GRIN3A: variants seen among roughly 807,000 people sequenced by gnomAD.
GRIN3A encodes glutamate ionotropic receptor NMDA type subunit 3A.
A neutral mutation model predicts 92.4 loss-of-function variants in GRIN3A; 47 were observed. That is an observed-to-expected ratio of 0.51 (90% CI 0.40 to 0.65). The LOEUF (loss-of-function observed/expected upper bound fraction) is 0.65. Ranked by LOEUF, GRIN3A falls within the 30% of genes least tolerant of loss-of-function variation. The probability of loss-of-function intolerance (pLI) is 0.00; values close to 1 mark genes in which losing one functional copy is unlikely to be tolerated. For missense variants in GRIN3A, 1,324 were observed against 1,393.1 expected (o/e 0.95, Z 0.79); for synonymous variants, 527 against 540.6 (o/e 0.97, Z 0.35).
chr9:101,588,679 T>C (rs1827980540), intron 6 of GRIN3A, among the ~76,000 whole-genome samples: 1 of 152,182 alleles, frequency 6.6e-6, no homozygotes, highest in South Asian at 2.1e-4. Context: ...TTTTCTCTTC[T>C]GAACAATGAC....
At chr9:101,716,943 T>C (rs1214900859) in intron 1 of GRIN3A, among the ~76,000 whole-genome samples, 1 of 152,184 alleles carries the variant, frequency 6.6e-6, no homozygotes, top group Non-Finnish European at 1.5e-5. Flanking sequence ...GAGTAGTAGC[T>C]GGCTGGCTGC....
chr9:101,599,978 T>C (rs557144441), intron 6 of GRIN3A, among the ~76,000 whole-genome samples: 1 of 152,320 alleles, frequency 6.6e-6, no homozygotes, highest in South Asian at 2.1e-4. Flanking sequence ...ATCAGGTTTG[T>C]CATCTGTTTG....
intron 8 of GRIN3A, among the ~76,000 whole-genome samples, 199 bp from the exon 9 acceptor site, chr9:101,573,712 A>G (rs934575985): frequency 3.3e-5 from 5 of 150,456 alleles, no homozygotes; most frequent in African/African-American, 1.2e-4. Context: ...TTCAAGTCCC[A>G]TGCTGCTCTG....
intron 3 of GRIN3A, among the ~76,000 whole-genome samples, chr9:101,645,128 A>G (rs1407486453): frequency 6.6e-6 from 1 of 151,770 alleles, no homozygotes; most frequent in Non-Finnish European, 1.5e-5. Flanking sequence ...TTCTGTACCT[A>G]TTAAGCAACC....
At position 101,681,794 on chromosome 9, in the gene GRIN3A, T is replaced by C. The variant is rs1415142057; in HGVS notation, c.1304+4802A>G. Among the ~76,000 whole-genome samples the C allele has an allele frequency of 1.5e-3, 13 of 8,568 alleles. 2 individuals are homozygous for C. Among genetic ancestry groups the C allele is most frequent in the African/African-American group, 4.8e-3 (13 of 2,686 alleles). The allele number at this position is 8,568 out of a possible 152,430, so 5.6% of individuals were successfully genotyped here. ...GTATACATGTGCCATGCTGGTGCGC[T>C]GCACCCACTAATGTGTCATCTAGCA... On this transcript the variant is annotated intron_variant, in intron 2 of 8. Coordinates refer to ENST00000361820, the MANE Select transcript of GRIN3A (RefSeq NM_133445.3).
intron 6 of GRIN3A, chr9:101,594,977 G>A (rs771866562): frequency 2.6e-6 from 4 of 1,560,072 alleles, no homozygotes; most frequent in Non-Finnish European, 2.6e-6. Flanking sequence ...AGCAGGGGCG[G>A]TGAGCTCGGG....
intron 1 of GRIN3A, among the ~76,000 whole-genome samples, chr9:101,709,477 C>T (rs547983568): frequency 3.0e-4 from 45 of 152,290 alleles, no homozygotes; most frequent in African/African-American, 1.0e-3. Flanking sequence ...TTAGGACCTA[C>T]GAATTCCATA....
intron 3 of GRIN3A, among the ~76,000 whole-genome samples, chr9:101,653,973 A>G (rs901343425): frequency 3.3e-5 from 5 of 151,880 alleles, no homozygotes; most frequent in African/African-American, 1.2e-4. Context: ...TTGTGTGGTT[A>G]GGAGCTCTTT....
At chr9:101,594,598 G>A (rs1369225216) in intron 6 of GRIN3A, 1 of 1,614,184 alleles carries the variant, frequency 6.2e-7, no homozygotes, top group Non-Finnish European at 8.5e-7. Context: ...GCTCCCCGTT[G>A]GAAATGTAGC....
chr9:101,589,631 A>G (rs1021000388), intron 6 of GRIN3A, among the ~76,000 whole-genome samples: 2 of 152,078 alleles, frequency 1.3e-5, no homozygotes, highest in African/African-American at 4.8e-5. Flanking sequence ...TTTTTTTGAA[A>G]AACTGCTAAC....
chr9:101,652,179 G>T lies in GRIN3A; in HGVS notation c.2352+17881C>A, dbSNP rs1348064254. Among the ~76,000 whole-genome samples, 60 of 152,034 alleles carry T rather than the reference G, an allele frequency of 3.9e-4. 1 individual carries two copies. Among genetic ancestry groups the T allele is most frequent in the Admixed American group, 3.9e-3 (60 of 15,242 alleles). On this transcript the variant is annotated intron_variant, in intron 3 of 8. Coordinates refer to ENST00000361820, the MANE Select transcript of GRIN3A (RefSeq NM_133445.3). ...TTTTAGGTGAGGAGACTGAGGTTCA[G>T]AGTATAAGTAACTTTCCCAGGGTCA...
At chr9:101,573,805 A>G (rs1218732219) in intron 8 of GRIN3A, among the ~76,000 whole-genome samples, 1 of 139,924 alleles carries the variant, frequency 7.1e-6, no homozygotes, top group African/African-American at 2.7e-5. Flanking sequence ...TTTGCAAACA[A>G]CCTCAGGTGG....
At chr9:101,713,093 G>A (rs1051981953) in intron 1 of GRIN3A, among the ~76,000 whole-genome samples, 1 of 152,090 alleles carries the variant, frequency 6.6e-6, no homozygotes, top group Non-Finnish European at 1.5e-5. Context: ...CTTTCCTTCG[G>A]CCATTTAGTT....
At chr9:101,592,444 C>T (rs1175070176) in intron 6 of GRIN3A, 1 of 152,098 alleles carries the variant, frequency 6.6e-6, no homozygotes, top group African/African-American at 2.4e-5. Flanking sequence ...TGGGGTGGAT[C>T]CTCTTTAATT....
At chr9:101,731,210 G>C (rs1830136783) in intron 1 of GRIN3A, among the ~76,000 whole-genome samples, 1 of 152,134 alleles carries the variant, frequency 6.6e-6, no homozygotes, top group African/African-American at 2.4e-5. Flanking sequence ...TACAAAAGCT[G>C]TGATGGATCC....
chr9:101,653,039 T>C (rs1323425), intron 3 of GRIN3A, among the ~76,000 whole-genome samples: 71,368 of 151,694 alleles, frequency 0.47, 17,024 homozygotes, highest in Middle Eastern at 0.54. Flanking sequence ...TTTTCACAAA[T>C]GTTTCCATTT....
chr9:101,651,828 A>C (rs190305350), intron 3 of GRIN3A, among the ~76,000 whole-genome samples: 1 of 152,036 alleles, frequency 6.6e-6, no homozygotes, highest in African/African-American at 2.4e-5. Flanking sequence ...AAAGATATAT[A>C]TCAAAGCATA....
chr9:101,623,515 T>G, intron 4 of GRIN3A, 82 bp from the exon 5 acceptor site: 1 of 1,024,932 alleles, frequency 9.8e-7, no homozygotes. Context: ...GGCTTTTGTT[T>G]AGGGGACAGA....
chr9:101,600,818 A>G (rs1237746422), intron 6 of GRIN3A: 1 of 152,238 alleles, frequency 6.6e-6, no homozygotes, highest in Non-Finnish European at 1.5e-5. Context: ...ACCATTCCCC[A>G]TACACTGAAG....
Sources: gnomAD v4.1 joint callset for allele counts (sites outside exome capture counted in the v4.1 genomes callset) on GRCh38, gnomAD v4.1.1 for gene constraint, MANE v1.5 for transcripts, NCBI Gene and HGNC (gene_info 2026-07-23, HGNC 2026-07-21) for gene names.